Variants in TFB1M observed in about 807,000 individuals in gnomAD.
TFB1M encodes dimethyladenosine transferase 1, mitochondrial.
A neutral mutation model predicts 31.1 loss-of-function variants in TFB1M; 27 were observed. The ratio of observed to expected loss-of-function variants is 0.87; its 90% CI spans 0.64 to 1.20. The LOEUF is 1.20. Ranked by LOEUF, TFB1M falls within the 50% of genes most tolerant of loss-of-function variation. The pLI is 0.00. For missense variants in TFB1M, 394 were observed against 418.7 expected (o/e 0.94, Z 0.51); for synonymous variants, 166 against 151.8 (o/e 1.09, Z -0.69).
rs147213292 is a variant in TFB1M, at chr6:155,294,724, G to A, written c.546+2229C>T. On this transcript the variant is annotated intron_variant, in intron 4 of 6. Coordinates refer to ENST00000367166, the MANE Select transcript of TFB1M (RefSeq NM_016020.4). ...ACTGCTGGTGGGAATATAAACAGGC[G>A]TGATGATTTCAGAGATCAACTTAGC... Among the ~76,000 whole-genome samples, 6 of 152,292 alleles carry A rather than the reference G, an allele frequency of 3.9e-5. No individual in the cohort carries two copies. The East Asian group carries it at 9.6e-4, about 24-fold the overall frequency.
chr6:155,240,675 A>G, the TFB1M span: 3 of 1,613,566 alleles, frequency 1.9e-6, no homozygotes, highest in Admixed American at 1.7e-5. Context: ...AAAGTCATCC[A>G]GGAGCTTGTG....
the TFB1M span, among the ~76,000 whole-genome samples, chr6:155,236,577 T>TAA: frequency 6.6e-6 from 1 of 152,010 alleles, no homozygotes; most frequent in Non-Finnish European, 1.5e-5. Flanking sequence ...GCAGGAGAAT[T>TAA]GCTTGCACCC....
chr6:155,259,140 C>A (rs142721698), intron 6 of TFB1M, among the ~76,000 whole-genome samples: 1 of 152,214 alleles, frequency 6.6e-6, no homozygotes, highest in Non-Finnish European at 1.5e-5. Flanking sequence ...TCCCTCCTCC[C>A]CCATGAATCA....
At chr6:155,259,504 G>A (rs114589478) in intron 6 of TFB1M, among the ~76,000 whole-genome samples, 2,888 of 152,354 alleles carry the variant, frequency 0.019, 69 homozygotes, top group African/African-American at 0.049. Flanking sequence ...ATGCTAAAGG[G>A]ACACTTCGGA....
chr6:155,301,698 G>A (rs923982002), intron 2 of TFB1M, among the ~76,000 whole-genome samples: 1 of 152,076 alleles, frequency 6.6e-6, no homozygotes, highest in South Asian at 2.1e-4. Flanking sequence ...CCAGTTTAGA[G>A]TAAAAGGCAT....
At chr6:155,304,371 T>A (rs1182811503) in intron 2 of TFB1M, among the ~76,000 whole-genome samples, 1 of 152,126 alleles carries the variant, frequency 6.6e-6, no homozygotes, top group Non-Finnish European at 1.5e-5. Flanking sequence ...AACAACCACA[T>A]AATTTAATGG....
Position 155,276,541 on chromosome 6 carries a change from T to TACA in TFB1M, c.666+8614_666+8616dup, listed in dbSNP as rs1452265170. 1.3e-5 allele frequency: 8 copies of TACA among 630,164 alleles called. No individual in the cohort carries two copies. In the East Asian group the frequency reaches 2.2e-4, roughly 18 times the overall value. 39.0% of individuals were successfully genotyped at this position (630,164 alleles called of 1,614,324 possible). A position where few individuals can be genotyped will look rare whatever the true frequency, so the allele number is the denominator to read the frequency against. On this transcript the variant is annotated intron_variant, in intron 5 of 6. Coordinates refer to ENST00000367166, the MANE Select transcript of TFB1M (RefSeq NM_016020.4). ...TTAAAATGCCAATAAAACTATCATA[T>TACA]ACAATTACATCTGTCTGAAGAGTTC...
downstream of TFB1M, chr6:155,255,180 G>A (rs567016468): frequency 6.6e-6 from 1 of 152,530 alleles, no homozygotes; most frequent in African/African-American, 2.4e-5. Flanking sequence ...GGCAGGCTAG[G>A]CTAAGCCGCA....
chr6:155,275,314 A>G (rs1583329299), intron 5 of TFB1M, among the ~76,000 whole-genome samples: 1 of 152,250 alleles, frequency 6.6e-6, no homozygotes, highest in African/African-American at 2.4e-5. Context: ...GGAATTTCAA[A>G]TGTCTAAATC....
At chr6:155,305,341 T>C (rs748794557) in intron 2 of TFB1M, among the ~76,000 whole-genome samples, 647 of 34,246 alleles carry the variant, frequency 0.019, 204 homozygotes, top group Non-Finnish European at 0.021. Flanking sequence ...TATATATAAA[T>C]ATATATTAAA....
chr6:155,270,402 G>T (rs1398278577), intron 5 of TFB1M, among the ~76,000 whole-genome samples: 1 of 152,140 alleles, frequency 6.6e-6, no homozygotes, highest in Admixed American at 6.5e-5. Flanking sequence ...ATCAGAAGTG[G>T]ATAGTAATGT....
In TFB1M at chr6:155,275,482, C is replaced by T. The variant is rs114359738; in HGVS notation, c.666+9676G>A. 3.2e-3 allele frequency: 1,502 copies of T among 471,916 alleles called. 22 individuals are homozygous for T. Among genetic ancestry groups the T allele is most frequent in the African/African-American group, 0.026 (1,358 of 51,590 alleles). The allele number at this position is 471,916 out of a possible 1,614,324, so 29.2% of individuals were successfully genotyped here. ...CCTGGTGGGAGCTTTTCTCCTCCAG[C>T]CTACAGCATCCTCATCTGCTTGGGG... On this transcript the variant is annotated intron_variant, in intron 5 of 6. Coordinates refer to ENST00000367166, the MANE Select transcript of TFB1M (RefSeq NM_016020.4).
the TFB1M span, among the ~76,000 whole-genome samples, chr6:155,236,773 T>G: frequency 6.6e-6 from 1 of 152,194 alleles, no homozygotes; most frequent in African/African-American, 2.4e-5. Context: ...GTGAGATCTA[T>G]TCACTATTAC....
At chr6:155,270,549 A>C (rs983706499) in intron 5 of TFB1M, among the ~76,000 whole-genome samples, 1 of 152,202 alleles carries the variant, frequency 6.6e-6, no homozygotes, top group African/African-American at 2.4e-5. Flanking sequence ...CAGGCAATTA[A>C]TATTTTATAG....
the TFB1M span, chr6:155,250,007 G>C: frequency 6.6e-7 from 1 of 1,515,108 alleles, no homozygotes; most frequent in Non-Finnish European, 9.1e-7. Context: ...CCTAGTGCAT[G>C]TGGTGTGGGG....
the TFB1M span, chr6:155,250,049 G>A: frequency 9.9e-7 from 1 of 1,009,652 alleles, no homozygotes; most frequent in South Asian, 1.6e-5. Flanking sequence ...AGGCTGCCCT[G>A]TTAGGACTTT....
intron 2 of TFB1M, among the ~76,000 whole-genome samples, chr6:155,300,682 T>A (rs1248454357): frequency 6.6e-6 from 1 of 152,190 alleles, no homozygotes; most frequent in Admixed American, 6.5e-5. Flanking sequence ...AATTTGGCTG[T>A]TTGACGTTAA....
At chr6:155,262,163 G>A (rs528153566) in intron 5 of TFB1M, among the ~76,000 whole-genome samples, 8 of 152,220 alleles carry the variant, frequency 5.3e-5, no homozygotes, top group African/African-American at 1.9e-4. Flanking sequence ...GTGTAGGTGG[G>A]GTAGATGTAC....
chr6:155,257,958 A>G lies in TFB1M; in HGVS notation c.919T>C (p.Tyr307His), dbSNP rs759748271. 2.5e-6 allele frequency: 4 copies of G among 1,614,200 alleles called. No individual in the cohort carries two copies. Among genetic ancestry groups the G allele is most frequent in the Non-Finnish European group, 3.4e-6 (4 of 1,180,034 alleles). Reference protein sequence around the residue: ...ISHFKSLCDVYRKMCDEDPQL... With the variant: ...ISHFKSLCDVHRKMCDEDPQL... ...GGGTCTTCATCACACATTTTTCTGT[A>G]TACATCACAGAGGCTCTTAAAGTGT... The change falls in exon 7 of 7, where the codon TAC becomes CAC. Residue 307 changes from tyrosine (Y) to histidine (H), a missense_variant. Around this residue, in one of 3 missense-constraint regions of TFB1M, gnomAD observed 115 missense variants for 144.1 expected, o/e 0.80. Transcript: ENST00000367166.
Sources: allele counts gnomAD v4.1 joint callset (sites outside exome capture counted in the v4.1 genomes callset), GRCh38; gene constraint gnomAD v4.1.1; regional missense constraint gnomAD v4.1.1; transcripts MANE v1.5; gene names NCBI Gene and HGNC (gene_info 2026-07-23, HGNC 2026-07-21).